The following DGKB variants were observed in gnomAD, a reference collection of about 807,000 sequenced individuals.
DGKB encodes the protein 90 kDa diacylglycerol kinase.
DGKB carries 67 observed loss-of-function variants against 114.3 expected under a neutral mutation model. That is an observed-to-expected ratio of 0.59 (90% CI 0.48 to 0.72). DGKB has a LOEUF of 0.72. DGKB is among the 30% of genes least tolerant of loss of function. The probability of loss-of-function intolerance (pLI) is 0.00; values close to 1 mark genes in which losing one functional copy is unlikely to be tolerated. For synonymous variants in DGKB, 398 were observed against 323.1 expected (o/e 1.23, Z -2.49); for missense variants, 907 against 975.2 (o/e 0.93, Z 0.93).
chr7:14,168,888 T>C (rs1780378792), intron 25 of DGKB, among the ~76,000 whole-genome samples: 1 of 152,218 alleles, frequency 6.6e-6, no homozygotes, highest in South Asian at 2.1e-4. Flanking sequence ...GAAGAGATTT[T>C]ATTTTATTTT....
At chr7:14,460,631 C>CTT (rs1187667864) in intron 21 of DGKB, among the ~76,000 whole-genome samples, 1 of 152,012 alleles carries the variant, frequency 6.6e-6, no homozygotes, top group African/African-American at 2.4e-5. Flanking sequence ...TACAAAGAGA[C>CTT]TTAGACTCCC....
chr7:14,874,180 T>C (rs1309772139), intron 1 of DGKB, among the ~76,000 whole-genome samples: 3 of 152,100 alleles, frequency 2.0e-5, no homozygotes, highest in South Asian at 2.1e-4. Flanking sequence ...AAACTTGTTT[T>C]AAAATACGTA....
chr7:14,626,138 G>C (rs1808542401), intron 14 of DGKB, among the ~76,000 whole-genome samples: 1 of 152,148 alleles, frequency 6.6e-6, no homozygotes, highest in Admixed American at 6.5e-5. Context: ...CTCAGAGGTA[G>C]AGTATTTGTA....
chr7:14,739,641 A>C (rs73064717), intron 4 of DGKB, among the ~76,000 whole-genome samples: 16,905 of 152,180 alleles, frequency 0.11, 1,125 homozygotes, highest in African/African-American at 0.19. Context: ...ATATGGGGAT[A>C]TGAGGAAGAG....
chr7:14,241,657 G>T (rs1793665332), intron 23 of DGKB, among the ~76,000 whole-genome samples: 1 of 151,778 alleles, frequency 6.6e-6, no homozygotes, highest in Non-Finnish European at 1.5e-5. Context: ...AAAGTAAAAT[G>T]AACAAGTAAA....
intron 6 of DGKB, among the ~76,000 whole-genome samples, chr7:14,708,511 A>T (rs894780254): frequency 4.0e-5 from 6 of 151,338 alleles, no homozygotes; most frequent in African/African-American, 1.2e-4. Context: ...CGCCAAGTGA[A>T]TCCTAAGCCA....
At chr7:14,417,087 T>A (rs1417614469) in intron 21 of DGKB, among the ~76,000 whole-genome samples, 1 of 152,106 alleles carries the variant, frequency 6.6e-6, no homozygotes, top group East Asian at 1.9e-4. Flanking sequence ...GATTTGGTAT[T>A]TTATTGTTTC....
chr7:14,818,586 T>C (rs1490996746), intron 2 of DGKB, among the ~76,000 whole-genome samples: 1 of 152,162 alleles, frequency 6.6e-6, no homozygotes, highest in African/African-American at 2.4e-5. Context: ...AAAGGAACTA[T>C]AGAACAGCTA....
intron 2 of DGKB, among the ~76,000 whole-genome samples, chr7:14,796,710 C>T (rs888479121): frequency 9.7e-4 from 145 of 150,166 alleles, no homozygotes; most frequent in Admixed American, 2.8e-3. Flanking sequence ...AAAGTATTTG[C>T]TTATTATGAG....
At chr7:14,450,445 G>A (rs1202594054) in intron 21 of DGKB, among the ~76,000 whole-genome samples, 2 of 152,106 alleles carry the variant, frequency 1.3e-5, no homozygotes, top group Non-Finnish European at 2.9e-5. Context: ...TAATAAGAAG[G>A]CACAGTGGGA....
intron 20 of DGKB, among the ~76,000 whole-genome samples, chr7:14,480,865 AT>A (rs1782884585): frequency 6.6e-6 from 1 of 152,108 alleles, no homozygotes; most frequent in African/African-American, 2.4e-5. Context: ...TATATAGCTC[AT>A]ATTTTCATAC....
chr7:14,699,739 G>T (rs952273777), intron 7 of DGKB, among the ~76,000 whole-genome samples: 3 of 152,034 alleles, frequency 2.0e-5, no homozygotes, highest in Non-Finnish European at 2.9e-5. Context: ...CTATTGTGGA[G>T]AAAACCCTAG....
chr7:14,698,016 A>G (rs1004936787), intron 8 of DGKB, 79 bp downstream of exon 8: 3 of 752,588 alleles, frequency 4.0e-6, no homozygotes, highest in Non-Finnish European at 6.7e-6. Context: ...AAAGAAAGAA[A>G]GAGAAAGAAA....
At chr7:14,935,675 T>A (rs1276023839) in intron 1 of DGKB, among the ~76,000 whole-genome samples, 1 of 152,088 alleles carries the variant, frequency 6.6e-6, no homozygotes, top group Non-Finnish European at 1.5e-5. Context: ...TACAGACGAA[T>A]TACATTGTGG....
At chr7:14,840,353 T>C (rs974390311) in intron 2 of DGKB, among the ~76,000 whole-genome samples, 1 of 152,172 alleles carries the variant, frequency 6.6e-6, no homozygotes, top group Non-Finnish European at 1.5e-5. Context: ...CCAAGTCTTT[T>C]GGTGCCTGCT....
At chr7:14,176,656 A>G in intron 25 of DGKB, 183 bp downstream of exon 25, 1 of 1,333,616 alleles carries the variant, frequency 7.5e-7, no homozygotes, top group Non-Finnish European at 9.6e-7. Flanking sequence ...ATCATTGCCA[A>G]GGGTATATAA....
chr7:14,953,403 A>T (rs1786317864), intron 1 of DGKB, among the ~76,000 whole-genome samples: 1 of 152,112 alleles, frequency 6.6e-6, no homozygotes, highest in African/African-American at 2.4e-5. Context: ...CTTAACAGAC[A>T]TTTCTCCTAA....
At chr7:14,302,686 T>G (rs1425143025) in intron 23 of DGKB, among the ~76,000 whole-genome samples, 1 of 152,062 alleles carries the variant, frequency 6.6e-6, no homozygotes, top group East Asian at 1.9e-4. Flanking sequence ...CCCTATTAAT[T>G]GTAGCCTTCT....
Position 14,421,656 on chromosome 7 carries a change from A to G in DGKB, c.1835+56505T>C, listed in dbSNP as rs62444647. ...GGAAAACATTTCACTCAGTCTCAAA[A>G]TGCAATTTCCACAGATATTTTATTG... On this transcript the variant is annotated intron_variant, in intron 21 of 25. Transcript: ENST00000402815. 5.1e-3 allele frequency among the ~76,000 whole-genome samples: 782 copies of G among 152,222 alleles called. 5 individuals are homozygous for G. Among genetic ancestry groups the G allele is most frequent in the Middle Eastern group, 0.017 (5 of 292 alleles).
Sources: gnomAD v4.1 joint callset for allele counts (sites outside exome capture counted in the v4.1 genomes callset) on GRCh38, gnomAD v4.1.1 for gene constraint, MANE v1.5 for transcripts, NCBI Gene and HGNC (gene_info 2026-07-23, HGNC 2026-07-21) for gene names.